ULK4: variants seen among roughly 807,000 people sequenced by gnomAD.
ULK4 encodes inactive serine/threonine-protein kinase ULK4.
In ULK4, 133 loss-of-function variants were observed where a neutral mutation model predicts 160.6. The observed-to-expected ratio is 0.83, with a 90% CI of 0.72 to 0.96. The LOEUF (loss-of-function observed/expected upper bound fraction) is 0.96. Among genes scored for constraint, ULK4 ranks in the 40% least tolerant of loss-of-function variants. The pLI, the probability that ULK4 is intolerant of heterozygous loss-of-function variation, is 0.00. For synonymous variants in ULK4, 534 were observed against 539.8 expected, an observed-to-expected ratio of 0.99 and a Z score of 0.15; for missense variants, 1,580 against 1,499.5, an observed-to-expected ratio of 1.05 and a Z score of -0.89.
At chr3:41,705,027 G>A (rs761509673) in intron 27 of ULK4, 30 bp downstream of exon 27, 14 of 1,546,154 alleles carry the variant, frequency 9.1e-6, no homozygotes, top group Non-Finnish European at 1.2e-5. Flanking sequence ...AATTTAAAAG[G>A]AGCTTTTTTC....
intron 35 of ULK4, among the ~76,000 whole-genome samples, chr3:41,367,514 C>T (rs756963235): frequency 2.4e-4 from 36 of 152,132 alleles, no homozygotes; most frequent in Non-Finnish European, 4.6e-4. Flanking sequence ...TGAGCAGCTC[C>T]ATGGCTGGAG....
At chr3:41,837,154 G>T (rs1375185590) in intron 17 of ULK4, among the ~76,000 whole-genome samples, 2 of 152,218 alleles carry the variant, frequency 1.3e-5, no homozygotes, top group Non-Finnish European at 2.9e-5. Flanking sequence ...GAAAAAGTTG[G>T]AGATGCAGGT....
At chr3:41,673,263 C>T (rs1213803274) in intron 29 of ULK4, among the ~76,000 whole-genome samples, 1 of 152,050 alleles carries the variant, frequency 6.6e-6, no homozygotes, top group East Asian at 1.9e-4. Context: ...ATGCTTATAG[C>T]TAAGGGAGAC....
chr3:41,594,172 T>C (rs2031540950), intron 31 of ULK4, among the ~76,000 whole-genome samples: 1 of 152,196 alleles, frequency 6.6e-6, no homozygotes, highest in Non-Finnish European at 1.5e-5. Context: ...GAACATATAA[T>C]TTTAAATTCA....
chr3:41,679,320 C>CT (rs1216378828), intron 29 of ULK4, among the ~76,000 whole-genome samples: 1 of 152,202 alleles, frequency 6.6e-6, no homozygotes, highest in Non-Finnish European at 1.5e-5. Context: ...TTAGGATTAT[C>CT]TTCTAAGGTA....
At chr3:41,537,544 G>A (rs2125948104) in intron 32 of ULK4, among the ~76,000 whole-genome samples, 1 of 152,264 alleles carries the variant, frequency 6.6e-6, no homozygotes, top group Non-Finnish European at 1.5e-5. Context: ...CACTGTGTTT[G>A]GTGGCAAGTA....
chr3:41,898,027 T>A lies in ULK4; in HGVS notation c.1348+405A>T, dbSNP rs115378542. Among the ~76,000 whole-genome samples the A allele has an allele frequency of 4.0e-3, 610 of 152,266 alleles. 3 individuals carry two copies. The highest frequency in any genetic ancestry group is 0.014 in the African/African-American group (578 of 41,540). The stretch of plus-strand genomic sequence containing the variant: ...ACCTCCACAGTCATGAACCACCTAG[T>A]CCCATTCTCAAATGTCCTGGTCCCT... On this transcript the variant is annotated intron_variant, in intron 14 of 36. Transcript: ENST00000301831.
chr3:41,249,497 A>T lies in ULK4; in HGVS notation c.3756T>A (p.Pro1252=). ...SLLRALERLA[P]GSGSFADSAV... is the part of the protein sequence containing the mutation. ...TCCTGGGTCCCACTTACCCACTCCCAGGGGCCAGCCGCTCCAGAGCCCGCA... is the reference window on the plus strand; with the variant it reads ...TCCTGGGTCCCACTTACCCACTCCCTGGGGCCAGCCGCTCCAGAGCCCGCA... The change falls in exon 36 of 37, where the codon CCT becomes CCA. Residue 1252 remains proline, a synonymous_variant. Transcript: ENST00000301831. 6.2e-7 allele frequency: 1 copy of T among 1,613,640 alleles called. No homozygotes were observed. Among genetic ancestry groups the T allele is most frequent in the East Asian group, 2.2e-5 (1 of 44,848 alleles).
At chr3:41,652,384 G>C (rs527747742) in intron 30 of ULK4, among the ~76,000 whole-genome samples, 1 of 152,286 alleles carries the variant, frequency 6.6e-6, no homozygotes, top group Non-Finnish European at 1.5e-5. Context: ...AACAATACTG[G>C]AGTGGATGGA....
intron 11 of ULK4, among the ~76,000 whole-genome samples, chr3:41,910,508 A>C (rs898244376): frequency 3.3e-5 from 5 of 152,034 alleles, no homozygotes; most frequent in African/African-American, 1.2e-4. Flanking sequence ...AGGCAGGAGA[A>C]TTGCCTGAAC....
chr3:41,267,403 C>T (rs987818204), intron 35 of ULK4, among the ~76,000 whole-genome samples: 22 of 152,016 alleles, frequency 1.4e-4, no homozygotes, highest in African/African-American at 4.8e-5. Context: ...TTTCTTTATC[C>T]GGTCTATCAT....
chr3:41,462,941 T>C, intron 33 of ULK4, 146 bp downstream of exon 33: 1 of 984,434 alleles, frequency 1.0e-6, no homozygotes, highest in Non-Finnish European at 1.4e-6. Flanking sequence ...CACCCAAAGA[T>C]GACTCTTCAG....
intron 35 of ULK4, among the ~76,000 whole-genome samples, chr3:41,308,352 T>G (rs1446332741): frequency 1.3e-5 from 2 of 151,802 alleles, no homozygotes; most frequent in East Asian, 3.9e-4. Context: ...GACAAAAAGA[T>G]AACTCTGAAG....
At chr3:41,708,393 G>C (rs1329545665) in intron 25 of ULK4, among the ~76,000 whole-genome samples, 1 of 152,088 alleles carries the variant, frequency 6.6e-6, no homozygotes, top group Non-Finnish European at 1.5e-5. Flanking sequence ...GATAAACCTA[G>C]AGAACATTAT....
chr3:41,460,013 A>G (rs181092233), intron 33 of ULK4, among the ~76,000 whole-genome samples: 2 of 152,306 alleles, frequency 1.3e-5, no homozygotes, highest in Admixed American at 1.3e-4. Context: ...GGCAGAGGGT[A>G]GTTTATGGTG....
At chr3:41,306,395 G>C (rs2079935760) in intron 35 of ULK4, among the ~76,000 whole-genome samples, 2 of 140,922 alleles carry the variant, frequency 1.4e-5, no homozygotes, top group South Asian at 4.5e-4. Flanking sequence ...GGGAGGTGAG[G>C]GGCGCCTCTG....
intron 35 of ULK4, among the ~76,000 whole-genome samples, chr3:41,354,476 A>C (rs2080989322): frequency 6.6e-6 from 1 of 152,186 alleles, no homozygotes; most frequent in Admixed American, 6.5e-5. Flanking sequence ...AAACGGGCTA[A>C]CTCATTTAGG....
In ULK4 at chr3:41,494,314, A is replaced by G. The variant is rs375766272; in HGVS notation, c.3227-31061T>C. Among the ~76,000 whole-genome samples, 20 of 114,416 alleles carry G rather than the reference A, an allele frequency of 1.7e-4. No individual in the cohort carries two copies. In the South Asian group the frequency reaches 3.8e-3, roughly 22 times the overall value. The allele number at this position is 114,416 out of a possible 152,430, so 75.1% of individuals were successfully genotyped here. ...CAATGTAATCCAGCATATAAACAGA[A>G]CCAAAGACAAAAACCACATGATTAT... On this transcript the variant is annotated intron_variant, in intron 32 of 36. Coordinates refer to ENST00000301831, the MANE Select transcript of ULK4 (RefSeq NM_017886.4).
chr3:41,398,048 C>T lies in ULK4; in HGVS notation c.3678+31G>A, dbSNP rs755123308. Reference sequence around the variant, plus strand: ...CCATGTCGCTGCCAGCAAAGCCACCCACAGTGTCCCCGGTTTCTGTGTGAA... The same window carrying T: ...CCATGTCGCTGCCAGCAAAGCCACCTACAGTGTCCCCGGTTTCTGTGTGAA... On this transcript the variant is annotated intron_variant, in intron 35 of 36. Transcript: ENST00000301831. 63 of 1,590,678 alleles carry T rather than the reference C, an allele frequency of 4.0e-5. No individual in the cohort carries two copies. Among genetic ancestry groups the T allele is most frequent in the Non-Finnish European group, 5.3e-5 (62 of 1,168,654 alleles).
Sources: gnomAD v4.1 joint callset for allele counts (sites outside exome capture counted in the v4.1 genomes callset) on GRCh38, gnomAD v4.1.1 for gene constraint, MANE v1.5 for transcripts, NCBI Gene and HGNC (gene_info 2026-07-23, HGNC 2026-07-21) for gene names.